Variants in DERL3 observed in about 807,000 individuals in gnomAD.
DERL3 encodes derlin-3.
Under a neutral mutation model 23.8 loss-of-function variants are expected in DERL3, and 20 were observed. That is an observed-to-expected ratio of 0.84 (90% confidence interval 0.59 to 1.22). DERL3 has a LOEUF of 1.22. Ranked by LOEUF, DERL3 falls within the 50% of genes most tolerant of loss-of-function variation. DERL3 has a pLI of 0.00. For synonymous variants in DERL3, 145 were observed against 132.5 expected (o/e 1.09, Z -0.65); for missense variants, 319 against 304.1 (o/e 1.05, Z -0.36).
In DERL3 at chr22:23,837,100, G is replaced by A. The variant is rs2031118783; in HGVS notation, c.578C>T (p.Pro193Leu). The A allele has an allele frequency of 1.9e-6, 3 of 1,614,026 alleles. No individual in the cohort carries two copies. Among genetic ancestry groups the A allele is most frequent in the Non-Finnish European group, 2.5e-6 (3 of 1,179,932 alleles). Residue 193 changes from proline to leucine, a missense_variant, in exon 6 of 7, where the codon CCT (proline) becomes CTT (leucine). Pro to Leu is a moderately conservative substitution (Grantham distance 98). Transcript: ENST00000318109. The stretch of plus-strand genomic sequence containing the variant: ...GGTCTGCAGGAGCCTCTTGCCTCCA[G>A]GCTGGTTGGGGAAGACGTCCTCCAG... ...YFLEDVFPNQ[P>L]GGKRLLQTPG... is the part of the protein sequence containing the mutation.
In DERL3 at chr22:23,835,121, C is replaced by A; in HGVS notation, c.*1748G>T. On this transcript the variant is annotated 3_prime_UTR_variant, in exon 7 of 7. Coordinates refer to ENST00000318109, the MANE Select transcript of DERL3 (RefSeq NM_001002862.3). Reference sequence around the variant, plus strand: ...GTGAGGAATATGGGAATAGCCCTCCCGGCCTGGTGCCAGCTCTTGGAGTTG... The same window carrying A: ...GTGAGGAATATGGGAATAGCCCTCCAGGCCTGGTGCCAGCTCTTGGAGTTG... 7.3e-7 allele frequency: 1 copy of A among 1,369,114 alleles called. No individual in the cohort carries two copies. Among genetic ancestry groups the A allele is most frequent in the South Asian group, 1.8e-5 (1 of 55,018 alleles). The allele number at this position is 1,369,114 out of a possible 1,614,324, so 84.8% of individuals were successfully genotyped here.
In DERL3 at chr22:23,838,968, G is replaced by A. The variant is rs1244692180; in HGVS notation, c.20C>T (p.Ala7Val). The change falls in exon 1 of 7, where the codon GCG (alanine) becomes GTG (valine). Residue 7 changes from alanine to valine, a missense_variant. Ala to Val is a moderately conservative substitution (Grantham distance 64). Coordinates refer to ENST00000318109, the MANE Select transcript of DERL3 (RefSeq NM_001002862.3). ...CGCCGGCACCTGCAGGAACTCGGCC[G>A]CTAGTCCCTGCCACGCCATTGAACC... MAWQGL[A>V]AEFLQVPAVT... The A allele has an allele frequency of 2.5e-6, 4 of 1,578,052 alleles. No homozygotes were observed. The highest frequency in any genetic ancestry group is 2.3e-5 in the South Asian group (2 of 86,596).
chr22:23,838,874 C>T (rs2031336510), intron 1 of DERL3, 21 bp downstream of exon 1: 1 of 1,552,772 alleles, frequency 6.4e-7, no homozygotes, highest in South Asian at 1.2e-5. Context: ...AAGGCGACGT[C>T]CGGTCCGCCC....
intron 5 of DERL3, 127 bp from the exon 6 acceptor site, chr22:23,837,281 G>A (rs1482645686): frequency 2.2e-5 from 27 of 1,231,734 alleles, no homozygotes; most frequent in Admixed American, 7.9e-5. Flanking sequence ...GTGCCCCAAA[G>A]CCTTGCACAG....
intron 5 of DERL3, 189 bp downstream of exon 5, chr22:23,837,470 T>G: frequency 1.5e-6 from 1 of 680,992 alleles, no homozygotes; most frequent in Non-Finnish European, 2.5e-6. Flanking sequence ...GTCCTGACGA[T>G]GCAAATTATG....
chr22:23,834,810 G>A lies in DERL3; in HGVS notation c.*2059C>T, dbSNP rs1374093435. On this transcript the variant is annotated 3_prime_UTR_variant, in exon 7 of 7. Transcript: ENST00000318109. The stretch of plus-strand genomic sequence containing the variant: ...GCCTTTCAGGAACAGCCCTAACCCT[G>A]CTCCCCTTGCTTGGCCTCAGGAAGG... 1.2e-6 allele frequency: 2 copies of A among 1,606,384 alleles called. No individual in the cohort carries two copies. Among genetic ancestry groups the A allele is most frequent in the Non-Finnish European group, 1.7e-6 (2 of 1,176,924 alleles).
chr22:23,838,554 C>T lies in DERL3; in HGVS notation c.233+10G>A. 6.3e-7 allele frequency: 1 copy of T among 1,582,590 alleles called. No homozygotes were observed. The highest frequency in any genetic ancestry group is 8.6e-7 in the Non-Finnish European group (1 of 1,165,014). ...CTCCACCCAGCCCGTGTCCGCAGGG[C>T]GCAGGATACACGAAGAGCATGTTGA... On this transcript the variant is annotated intron_variant, in intron 3 of 6. Transcript: ENST00000318109.
chr22:23,835,441 G>A lies in DERL3; in HGVS notation c.*1428C>T. 2 of 986,354 alleles carry A rather than the reference G, an allele frequency of 2.0e-6. No individual in the cohort carries two copies. The highest frequency in any genetic ancestry group is 1.2e-6 in the Non-Finnish European group (1 of 830,612). 61.1% of individuals were successfully genotyped at this position (986,354 alleles called of 1,614,324 possible). On this transcript the variant is annotated 3_prime_UTR_variant, in exon 7 of 7. Coordinates refer to ENST00000318109, the MANE Select transcript of DERL3 (RefSeq NM_001002862.3). ...GCTGTGCTCCCTGGAAGTGGGGTAG[G>A]GCCCCATGTGGGGCAGAGGCAGAGC...
chr22:23,834,742 A>T lies in DERL3; in HGVS notation c.*2127T>A. The stretch of plus-strand genomic sequence containing the variant: ...GCCTGTTCTCCTTCCAGACCCAGAG[A>T]GCTGAGAAGAGTAGCTGTGAGGCTC... On this transcript the variant is annotated 3_prime_UTR_variant, in exon 7 of 7. Transcript: ENST00000318109. 1 of 1,485,866 alleles carries T rather than the reference A, an allele frequency of 6.7e-7. No individual in the cohort carries two copies. Among genetic ancestry groups the T allele is most frequent in the Non-Finnish European group, 9.0e-7 (1 of 1,114,790 alleles). The allele number at this position is 1,485,866 out of a possible 1,614,324, so 92.0% of individuals were successfully genotyped here.
At chr22:23,838,233 AC>A in intron 4 of DERL3, 118 bp downstream of exon 4, 1 of 1,550,330 alleles carries the variant, frequency 6.5e-7, no homozygotes, top group Non-Finnish European at 8.7e-7. Flanking sequence ...CTCAACACAT[AC>A]TAAGCTGGAG....
In DERL3 at chr22:23,837,779, G is replaced by A. The variant is rs548677946; in HGVS notation, c.403C>T (p.Arg135Cys). 8 of 1,613,902 alleles carry A rather than the reference G, an allele frequency of 5.0e-6. No individual in the cohort carries two copies. The highest frequency in any genetic ancestry group is 5.1e-6 in the Non-Finnish European group (6 of 1,180,004). Reference protein sequence around the residue: ...MAMLVYVWSRRSPRVRVNFFG... With the variant: ...MAMLVYVWSRCSPRVRVNFFG... ...AAGTTGACCCTCACCCGAGGGCTGCGGCGGCTCCACACGTACACCAGCATG... is the reference window on the plus strand; with the variant it reads ...AAGTTGACCCTCACCCGAGGGCTGCAGCGGCTCCACACGTACACCAGCATG... Residue 135 changes from arginine to cysteine, a missense_variant, in exon 5 of 7, where the codon CGC becomes TGC. By Grantham distance (180) the Arg-to-Cys change is radical (BLOSUM62 -3). Transcript: ENST00000318109.
chr22:23,836,675 C>A lies in DERL3; in HGVS notation c.*194G>T. ...GAGGCCACACTGAGTGAGGACGGGG[C>A]AGGCATAGAAGGATGTGGCCAGGTG... On this transcript the variant is annotated 3_prime_UTR_variant, in exon 7 of 7. Transcript: ENST00000318109. 3.1e-6 allele frequency: 4 copies of A among 1,284,366 alleles called. No homozygotes were observed. The highest frequency in any genetic ancestry group is 3.9e-6 in the Non-Finnish European group (4 of 1,022,088). 79.6% of individuals were successfully genotyped at this position (1,284,366 alleles called of 1,614,324 possible).
chr22:23,836,937 CT>C lies in DERL3; in HGVS notation c.639del (p.Glu214LysfsTer41). 1 of 1,577,254 alleles carries C rather than the reference CT, an allele frequency of 6.3e-7. No individual in the cohort carries two copies. Among genetic ancestry groups the C allele is most frequent in the South Asian group, 1.2e-5 (1 of 85,294 alleles). ...GFLKLLLDAPAEDPNYLPLPE... is the reference protein window; with the variant it reads ...GFLKLLLDAPXEDPNYLPLPE... ...GGGAGGGGCAGGTAATTGGGGTCTT[CT>C]GCAGGGGCATCCAGGAGCAGCTTTC... On this transcript the variant is annotated frameshift_variant, in exon 7 of 7. Coordinates refer to ENST00000318109, the MANE Select transcript of DERL3 (RefSeq NM_001002862.3). LOFTEE classifies it high-confidence loss of function.
Position 23,835,740 on chromosome 22 carries a change from C to A in DERL3, c.*1129G>T. ...TGTTCTGTCCATGAGGTAGGAACCT[C>A]GGCAATGAAAGGGTGAGGCAGCCCT... On this transcript the variant is annotated 3_prime_UTR_variant, in exon 7 of 7. Transcript: ENST00000318109. The A allele has an allele frequency of 1.0e-6, 1 of 985,454 alleles. No individual in the cohort carries two copies. Among genetic ancestry groups the A allele is most frequent in the Non-Finnish European group, 1.2e-6 (1 of 829,934 alleles). The allele number at this position is 985,454 out of a possible 1,614,324, so 61.0% of individuals were successfully genotyped here.
Position 23,836,302 on chromosome 22 carries a change from G to A in DERL3, c.*567C>T. The A allele has an allele frequency of 2.0e-6, 2 of 985,520 alleles. No homozygotes were observed. Among genetic ancestry groups the A allele is most frequent in the African/African-American group, 1.7e-5 (1 of 57,380 alleles). 61.0% of individuals were successfully genotyped at this position (985,520 alleles called of 1,614,324 possible). A position where few individuals can be genotyped will look rare whatever the true frequency, so the allele number is the denominator to read the frequency against. The stretch of plus-strand genomic sequence containing the variant: ...TGAAAAATGAGGCATACGCCCACCT[G>A]TCAGGGTGGCTGATGAGAGACAGGA... On this transcript the variant is annotated 3_prime_UTR_variant, in exon 7 of 7. Coordinates refer to ENST00000318109, the MANE Select transcript of DERL3 (RefSeq NM_001002862.3).
At position 23,838,363 on chromosome 22, in the gene DERL3, C is replaced by T. The variant is rs750621124; in HGVS notation, c.316G>A (p.Val106Ile). The T allele has an allele frequency of 6.8e-6, 11 of 1,606,928 alleles. No homozygotes were observed. The highest frequency in any genetic ancestry group is 3.3e-5 in the South Asian group (3 of 89,600). ...TGCGGGAAGGATACGGTCATAAGGACGCCCCCGAAGAGAAACATGAAGACG... is the reference window on the plus strand; with the variant it reads ...TGCGGGAAGGATACGGTCATAAGGATGCCCCCGAAGAGAAACATGAAGACG... ...DFVFMFLFGGVLMTLLGLLGS... is the reference protein window; with the variant it reads ...DFVFMFLFGGILMTLLGLLGS... Residue 106 changes from valine to isoleucine, a missense_variant, in exon 4 of 7, where the codon GTC becomes ATC. Physicochemically the swap from Val to Ile is conservative, Grantham distance 29 (BLOSUM62 3). Transcript: ENST00000318109.
At position 23,835,901 on chromosome 22, in the gene DERL3, T is replaced by A. The variant is rs1487122396; in HGVS notation, c.*968A>T. 1.0e-5 allele frequency: 10 copies of A among 985,302 alleles called. No homozygotes were observed. Among genetic ancestry groups the A allele is most frequent in the Non-Finnish European group, 1.2e-5 (10 of 829,958 alleles). The allele number at this position is 985,302 out of a possible 1,614,324, so 61.0% of individuals were successfully genotyped here. A position where few individuals can be genotyped will look rare whatever the true frequency, so the allele number is the denominator to read the frequency against. ...GCCAGCTCACACCGCCGCAAAGCCA[T>A]CTCCACAAGGTCTGGCTACAACACG... On this transcript the variant is annotated 3_prime_UTR_variant, in exon 7 of 7. Transcript: ENST00000318109.
intron 5 of DERL3, chr22:23,837,443 C>T: frequency 1.5e-6 from 1 of 651,772 alleles, no homozygotes. Context: ...CAGGACCGTG[C>T]AAGCATCAGT....
chr22:23,837,543 G>T, intron 5 of DERL3, 116 bp downstream of exon 5: 3 of 1,098,198 alleles, frequency 2.7e-6, no homozygotes, highest in Non-Finnish European at 3.9e-6. Context: ...AGATGGGGAT[G>T]GAGCCAGGTG....
Sources: gnomAD v4.1 joint callset for allele counts on GRCh38, gnomAD v4.1.1 for gene constraint, MANE v1.5 for transcripts, NCBI Gene and HGNC (gene_info 2026-07-23, HGNC 2026-07-21) for gene names.